Variants in ING4 observed in about 807,000 individuals in gnomAD.
ING4 encodes the protein inhibitor of growth family member 4.
Under a neutral mutation model 33.1 loss-of-function variants are expected in ING4, and 28 were observed. That is an observed-to-expected ratio of 0.85 (90% CI 0.63 to 1.16). The LOEUF is 1.16. Ranked by LOEUF, ING4 falls within the 50% of genes most tolerant of loss-of-function variation. The pLI, the probability that ING4 is intolerant of heterozygous loss-of-function variation, is 0.00. For missense variants in ING4, 247 were observed against 314.7 expected, an observed-to-expected ratio of 0.78 and a Z score of 1.63; for synonymous variants, 87 against 104.4, an observed-to-expected ratio of 0.83 and a Z score of 1.02.
At position 6,653,409 on chromosome 12, in the gene ING4, CA is replaced by C. The variant is rs1317262976; in HGVS notation, c.110-14del. 1 of 1,611,738 alleles carries C rather than the reference CA, an allele frequency of 6.2e-7. No individual in the cohort carries two copies. The highest frequency in any genetic ancestry group is 1.3e-5 in the African/African-American group (1 of 74,872). ...TCAGCCTTCAGGTCTACAACAGAGA[CA>C]GAGGCCTGGTCACAATGGCCCCTGA... is the stretch of plus-strand genomic sequence containing the variant. On this transcript the variant is annotated splice_polypyrimidine_tract_variant and intron_variant, in intron 2 of 7. Transcript: ENST00000341550.
intron 6 of ING4, among the ~76,000 whole-genome samples, chr12:6,651,781 A>T (rs1949187700): frequency 6.7e-6 from 1 of 149,278 alleles, no homozygotes; most frequent in Non-Finnish European, 1.5e-5. Flanking sequence ...ATCTCAAGTG[A>T]TCTGCTCACC....
intron 1 of ING4, among the ~76,000 whole-genome samples, chr12:6,661,218 C>A (rs982189432): frequency 1.3e-5 from 2 of 151,664 alleles, no homozygotes; most frequent in Admixed American, 1.3e-4. Flanking sequence ...CTGCCTTAGC[C>A]TCCTAAGTAG....
intron 2 of ING4, among the ~76,000 whole-genome samples, chr12:6,654,225 A>G (rs1565400236): frequency 6.6e-6 from 1 of 152,014 alleles, no homozygotes; most frequent in Non-Finnish European, 1.5e-5. Context: ...AAGTGATTCT[A>G]TCTTTTCGCC....
chr12:6,657,703 G>T (rs1467290307), intron 1 of ING4: 2 of 151,672 alleles, frequency 1.3e-5, no homozygotes, highest in African/African-American at 2.4e-5. Flanking sequence ...AGGTTGAGGC[G>T]GGTGGATCAC....
At position 6,651,170 on chromosome 12, in the gene ING4, CTG is replaced by C. The variant is rs1218889220; in HGVS notation, c.*23_*24del. ...CCCAAGTCAGGGGATGTGGAAGAAA[CTG>C]TGTTGGAATCCAAGGCCCTTATCTA... On this transcript the variant is annotated 3_prime_UTR_variant, in exon 8 of 8. Transcript: ENST00000341550. The C allele has an allele frequency of 2.5e-6, 4 of 1,613,814 alleles. No homozygotes were observed. The highest frequency in any genetic ancestry group is 4.5e-5 in the East Asian group (2 of 44,878).
chr12:6,656,821 C>T, intron 1 of ING4, 23 bp from the exon 2 acceptor site: 1 of 1,452,766 alleles, frequency 6.9e-7, no homozygotes, highest in East Asian at 2.4e-5. Flanking sequence ...GAGAAACAAT[C>T]ACAGGACTGA....
chr12:6,656,330 C>A, intron 2 of ING4: 1 of 245,578 alleles, frequency 4.1e-6, no homozygotes, highest in South Asian at 4.3e-5. Flanking sequence ...TGCGTGCCAC[C>A]ACACCTGGCT....
At chr12:6,658,119 C>T (rs1216736363) in intron 1 of ING4, among the ~76,000 whole-genome samples, 1 of 151,444 alleles carries the variant, frequency 6.6e-6, no homozygotes, top group Non-Finnish European at 1.5e-5. Flanking sequence ...GCCACCACAC[C>T]CGACTAATTT....
chr12:6,654,859 G>A (rs1334879890), intron 2 of ING4, among the ~76,000 whole-genome samples: 2 of 151,916 alleles, frequency 1.3e-5, no homozygotes, highest in Non-Finnish European at 2.9e-5. Context: ...CAAGTAGCTG[G>A]GACTACAGGT....
At chr12:6,656,683 T>C (rs191255034) in intron 2 of ING4, 44 bp downstream of exon 2, 4 of 1,074,686 alleles carry the variant, frequency 3.7e-6, no homozygotes, top group Non-Finnish European at 5.5e-6. Context: ...AATAAATGAT[T>C]ACACACACTC....
intron 4 of ING4, 66 bp downstream of exon 4, chr12:6,652,870 T>G: frequency 6.5e-7 from 1 of 1,541,822 alleles, no homozygotes; most frequent in Non-Finnish European, 9.0e-7. Flanking sequence ...TCCCACCAGA[T>G]GAAGAGCTGA....
Position 6,663,105 on chromosome 12 carries a change from G to C in ING4, c.-4C>G, listed in dbSNP as rs866088838. 1.2e-6 allele frequency: 2 copies of C among 1,614,054 alleles called. No individual in the cohort carries two copies. Among genetic ancestry groups the C allele is most frequent in the East Asian group, 2.2e-5 (1 of 44,882 alleles). Reference sequence around the variant, plus strand: ...CCAAATACATCCCCGCAGCCATCTCGAAGCAAAACAAAGCAACTTCCGATC... The same window carrying C: ...CCAAATACATCCCCGCAGCCATCTCCAAGCAAAACAAAGCAACTTCCGATC... On this transcript the variant is annotated 5_prime_UTR_variant, in exon 1 of 8. Transcript: ENST00000341550.
intron 2 of ING4, chr12:6,655,709 C>CA (rs1318207846): frequency 3.2e-6 from 2 of 634,510 alleles, no homozygotes; most frequent in Admixed American, 4.0e-5. Flanking sequence ...TGTGTAAACT[C>CA]AGAGTAACTT....
chr12:6,661,406 GTTTTTTTTT>G (rs1174675715), intron 1 of ING4, among the ~76,000 whole-genome samples: 1 of 118,592 alleles, frequency 8.4e-6, no homozygotes, highest in African/African-American at 3.7e-5. Context: ...ACCAGCCTTT[GTTTTTTTTT>G]TTTTTTTTTT....
At chr12:6,661,537 T>G (rs1949552622) in intron 1 of ING4, among the ~76,000 whole-genome samples, 1 of 151,186 alleles carries the variant, frequency 6.6e-6, no homozygotes. Flanking sequence ...TTCTCCTGAC[T>G]CAGCCTCCCA....
chr12:6,655,496 G>T, intron 2 of ING4: 1 of 507,372 alleles, frequency 2.0e-6, no homozygotes, highest in Non-Finnish European at 2.6e-6. Context: ...GAGGATCTGT[G>T]AAGACACTGT....
intron 1 of ING4, chr12:6,657,734 A>G (rs1949409537): frequency 6.6e-6 from 1 of 151,776 alleles, no homozygotes; most frequent in African/African-American, 2.4e-5. Context: ...GTTCGAGACC[A>G]GCCTGGCCAA....
At chr12:6,651,848 C>CTTTTTTTTT (rs1029172811) in intron 6 of ING4, among the ~76,000 whole-genome samples, 1 of 114,828 alleles carries the variant, frequency 8.7e-6, no homozygotes, top group African/African-American at 3.3e-5. Context: ...GGCTTTCAGG[C>CTTTTTTTTT]TTTTTTTTTT....
At chr12:6,660,020 C>T (rs1378784088) in intron 1 of ING4, among the ~76,000 whole-genome samples, 3 of 152,176 alleles carry the variant, frequency 2.0e-5, no homozygotes, top group African/African-American at 2.4e-5. Context: ...CCGAACATGG[C>T]TATCATATTC....
Sources: gnomAD v4.1 joint callset for allele counts (sites outside exome capture counted in the v4.1 genomes callset) on GRCh38, gnomAD v4.1.1 for gene constraint, MANE v1.5 for transcripts, NCBI Gene and HGNC (gene_info 2026-07-23, HGNC 2026-07-21) for gene names.